The following DNAH9 variants were observed in gnomAD, a reference collection of about 807,000 sequenced individuals.
DNAH9 encodes the protein dynein axonemal heavy chain 9.
A neutral mutation model predicts 471.6 loss-of-function variants in DNAH9; 345 were observed. The ratio of observed to expected loss-of-function variants is 0.73; its 90% CI spans 0.67 to 0.80. DNAH9 has a LOEUF of 0.80. DNAH9 is among the 30% of genes least tolerant of loss of function. DNAH9 has a pLI of 0.00. For missense variants in DNAH9, 5,407 were observed against 5,609.2 expected (o/e 0.96, Z 1.15); for synonymous variants, 2,093 against 2,123.6 (o/e 0.99, Z 0.40).
chr17:11,639,889 G>A (rs1039230621), intron 9 of DNAH9, among the ~76,000 whole-genome samples: 2 of 152,142 alleles, frequency 1.3e-5, no homozygotes, highest in Non-Finnish European at 2.9e-5. Context: ...GCAAATCCCA[G>A]CTACTCAGGA....
chr17:11,923,137 G>A (rs944765977), intron 61 of DNAH9, among the ~76,000 whole-genome samples: 12 of 152,016 alleles, frequency 7.9e-5, no homozygotes, highest in African/African-American at 2.7e-4. Flanking sequence ...GTGCAATGGC[G>A]TGATCTCGTC....
At chr17:11,669,877 C>T in intron 17 of DNAH9, 83 bp downstream of exon 17, 1 of 1,201,476 alleles carries the variant, frequency 8.3e-7, no homozygotes, top group Non-Finnish European at 1.2e-6. Flanking sequence ...TATTTTTTCC[C>T]CATGGGTATG....
chr17:11,837,989 A>G (rs1970902455), intron 49 of DNAH9, among the ~76,000 whole-genome samples: 1 of 152,216 alleles, frequency 6.6e-6, no homozygotes, highest in African/African-American at 2.4e-5. Flanking sequence ...TCAGGAAGCA[A>G]ATAATAAAGG....
chr17:11,887,015 A>G lies in DNAH9; in HGVS notation c.11112+50A>G, dbSNP rs532280751. ...CCTGATTATAATAAAGCAGTGTAATATTGCCAATGCAGCTCTCTGTGAGAG... is the reference window on the plus strand; with the variant it reads ...CCTGATTATAATAAAGCAGTGTAATGTTGCCAATGCAGCTCTCTGTGAGAG... On this transcript the variant is annotated intron_variant, in intron 57 of 68. Coordinates refer to ENST00000262442, the MANE Select transcript of DNAH9 (RefSeq NM_001372.4). 35 of 1,569,732 alleles carry G rather than the reference A, an allele frequency of 2.2e-5. No individual in the cohort carries two copies. In the South Asian group the frequency reaches 3.8e-4, roughly 17 times the overall value.
At chr17:11,642,593 G>T (rs2073297801) in intron 10 of DNAH9, among the ~76,000 whole-genome samples, 1 of 152,180 alleles carries the variant, frequency 6.6e-6, no homozygotes, top group African/African-American at 2.4e-5. Flanking sequence ...GTATTGATTG[G>T]TTATTGAAAA....
At chr17:11,743,276 AC>A (rs2075459570) in intron 30 of DNAH9, among the ~76,000 whole-genome samples, 1 of 152,132 alleles carries the variant, frequency 6.6e-6, no homozygotes, top group Non-Finnish European at 1.5e-5. Context: ...TTTTAAATGA[AC>A]CCTTAATGAT....
chr17:11,639,443 C>G (rs1261139521), intron 9 of DNAH9, among the ~76,000 whole-genome samples: 1 of 152,160 alleles, frequency 6.6e-6, no homozygotes, highest in African/African-American at 2.4e-5. Flanking sequence ...TCTTGACAAC[C>G]AAATATAAGC....
chr17:11,742,094 G>A, intron 29 of DNAH9, 81 bp from the exon 30 acceptor site: 1 of 1,340,472 alleles, frequency 7.5e-7, no homozygotes, highest in East Asian at 2.3e-5. Flanking sequence ...TGTGATCTCG[G>A]CCAGTGCTTA....
chr17:11,910,219 C>A (rs1361560001), intron 61 of DNAH9, among the ~76,000 whole-genome samples: 4 of 151,850 alleles, frequency 2.6e-5, no homozygotes, highest in Admixed American at 1.3e-4. Context: ...CACACCACTG[C>A]ACTCCAGCCT....
intron 48 of DNAH9, among the ~76,000 whole-genome samples, chr17:11,833,184 C>G (rs944781948): frequency 1.3e-5 from 2 of 152,196 alleles, no homozygotes; most frequent in African/African-American, 2.4e-5. Context: ...GCTGATATTC[C>G]CATCACTTTA....
intron 14 of DNAH9, among the ~76,000 whole-genome samples, chr17:11,659,531 C>T (rs890010490): frequency 6.6e-6 from 1 of 152,228 alleles, no homozygotes; most frequent in Non-Finnish European, 1.5e-5. Flanking sequence ...CTTGTAGCCT[C>T]TGGAATGTGT....
chr17:11,903,271 G>GA (rs1402147648), intron 60 of DNAH9, among the ~76,000 whole-genome samples: 1 of 152,070 alleles, frequency 6.6e-6, no homozygotes, highest in Admixed American at 6.5e-5. Context: ...CCGGGAGGCA[G>GA]AGGTTGCAGT....
At chr17:11,816,577 T>C (rs1173800142) in intron 45 of DNAH9, among the ~76,000 whole-genome samples, 1 of 152,228 alleles carries the variant, frequency 6.6e-6, no homozygotes, top group Admixed American at 6.5e-5. Context: ...TTTTTTAAAC[T>C]ATCAGGTCTA....
At chr17:11,742,610 G>A (rs901157980) in intron 30 of DNAH9, among the ~76,000 whole-genome samples, 1 of 152,146 alleles carries the variant, frequency 6.6e-6, no homozygotes, top group African/African-American at 2.4e-5. Flanking sequence ...AAAACCCCTG[G>A]AGGAAATGGT....
chr17:11,622,839 G>T (rs1199036334), intron 6 of DNAH9, among the ~76,000 whole-genome samples: 1 of 152,102 alleles, frequency 6.6e-6, no homozygotes, highest in Non-Finnish European at 1.5e-5. Context: ...TTTAATTAGA[G>T]GATGACATGA....
intron 48 of DNAH9, among the ~76,000 whole-genome samples, chr17:11,825,105 CTCT>C (rs547372366): frequency 1.4e-4 from 21 of 152,156 alleles, no homozygotes; most frequent in African/African-American, 3.9e-4. Context: ...TGACGAAAAC[CTCT>C]TCTTAGGATT....
intron 48 of DNAH9, among the ~76,000 whole-genome samples, chr17:11,828,291 T>C (rs1970572152): frequency 6.6e-6 from 1 of 151,916 alleles, no homozygotes; most frequent in Admixed American, 6.6e-5. Flanking sequence ...CTGGCCAACA[T>C]GGTGAAACCT....
At chr17:11,780,710 C>T (rs1968634723) in intron 38 of DNAH9, among the ~76,000 whole-genome samples, 1 of 152,132 alleles carries the variant, frequency 6.6e-6, no homozygotes, top group Non-Finnish European at 1.5e-5. Flanking sequence ...TGGGATAATA[C>T]TAATCTCACA....
In DNAH9 at chr17:11,619,812, C is replaced by A. The variant is rs765616387; in HGVS notation, c.1350+31C>A. The stretch of plus-strand genomic sequence containing the variant: ...TGCGCACCTCACCTCAGGCTGCCAG[C>A]CCCAGACAGAAAGAAGCAGTCCAGG... On this transcript the variant is annotated intron_variant, in intron 6 of 68. Coordinates refer to ENST00000262442, the MANE Select transcript of DNAH9 (RefSeq NM_001372.4). The A allele has an allele frequency of 6.6e-6, 9 of 1,358,990 alleles. No individual in the cohort carries two copies. In the African/African-American group the frequency reaches 1.1e-4, roughly 17 times the overall value. The allele number at this position is 1,358,990 out of a possible 1,614,324, so 84.2% of individuals were successfully genotyped here.
Sources: gnomAD v4.1 joint callset for allele counts (sites outside exome capture counted in the v4.1 genomes callset) on GRCh38, gnomAD v4.1.1 for gene constraint, MANE v1.5 for transcripts, NCBI Gene and HGNC (gene_info 2026-07-23, HGNC 2026-07-21) for gene names.